IRAK1BP1: variants seen among roughly 807,000 people sequenced by gnomAD.
IRAK1BP1 encodes interleukin 1 receptor associated kinase 1 binding protein 1.
Under a neutral mutation model 28.0 loss-of-function variants are expected in IRAK1BP1, and 24 were observed. That is an observed-to-expected ratio of 0.86 (90% CI 0.62 to 1.20). The LOEUF (loss-of-function observed/expected upper bound fraction) is 1.20. Among genes scored for constraint, IRAK1BP1 ranks in the 50% most tolerant of loss-of-function variants. IRAK1BP1 has a pLI of 0.00. For synonymous variants in IRAK1BP1, 131 were observed against 116.3 expected, an observed-to-expected ratio of 1.13 and a Z score of -0.81; for missense variants, 336 against 316.7, an observed-to-expected ratio of 1.06 and a Z score of -0.46.
the IRAK1BP1 span, chr6:78,970,158 T>G: frequency 1.9e-6 from 3 of 1,611,850 alleles, no homozygotes; most frequent in Non-Finnish European, 2.5e-6. Context: ...CCAACTATTT[T>G]CATAAGTTCT....
chr6:78,969,102 G>A, the IRAK1BP1 span, among the ~76,000 whole-genome samples: 7 of 152,188 alleles, frequency 4.6e-5, no homozygotes, highest in African/African-American at 1.7e-4. Context: ...AACATGAGAT[G>A]TAAATTTTCT....
rs1055546477 is a variant in IRAK1BP1 at position 78,878,294 on chromosome 6, G to A, written c.316-7084G>A. Among the ~76,000 whole-genome samples the A allele has an allele frequency of 7.2e-5, 11 of 152,136 alleles. No individual in the cohort carries two copies. The East Asian group carries it at 7.7e-4, about 11-fold the overall frequency. On this transcript the variant is annotated intron_variant, in intron 1 of 3. Coordinates refer to ENST00000369940, the MANE Select transcript of IRAK1BP1 (RefSeq NM_001010844.4). Reference sequence around the variant, plus strand: ...GTCTCAGAGGGTGTCCATCTGAGACGAAGCTTCCAGAGGAAAGATCAGGCA... The same window carrying A: ...GTCTCAGAGGGTGTCCATCTGAGACAAAGCTTCCAGAGGAAAGATCAGGCA...
intron 4 of IRAK1BP1, among the ~76,000 whole-genome samples, chr6:78,917,875 G>C (rs970671556): frequency 6.6e-6 from 1 of 152,164 alleles, no homozygotes; most frequent in African/African-American, 2.4e-5. Flanking sequence ...GCAAGTGCTA[G>C]GGGAATTTGT....
chr6:78,947,152 C>T (rs1478381404), downstream of IRAK1BP1, among the ~76,000 whole-genome samples: 2 of 152,134 alleles, frequency 1.3e-5, no homozygotes, highest in Non-Finnish European at 2.9e-5. Flanking sequence ...AACTTATTGT[C>T]AACTTTATTA....
chr6:78,969,858 G>A, the IRAK1BP1 span: 1 of 1,579,542 alleles, frequency 6.3e-7, no homozygotes, highest in African/African-American at 1.3e-5. Context: ...CCTGTATTTT[G>A]CATCATCAAA....
chr6:78,932,382 G>C (rs895811361), intron 4 of IRAK1BP1, among the ~76,000 whole-genome samples: 1 of 151,180 alleles, frequency 6.6e-6, no homozygotes, highest in African/African-American at 2.4e-5. Flanking sequence ...ATCTCTGAAA[G>C]CTATAGCCTT....
At chr6:78,968,667 A>C in the IRAK1BP1 span, among the ~76,000 whole-genome samples, 14 of 152,316 alleles carry the variant, frequency 9.2e-5, no homozygotes, top group East Asian at 2.7e-3. Flanking sequence ...TGACTGTGTA[A>C]ATACTGCTTG....
Position 78,899,260 on chromosome 6 carries a change from C to T in IRAK1BP1, c.*926C>T, listed in dbSNP as rs1278195363. 1 of 152,148 alleles carries T rather than the reference C, an allele frequency of 6.6e-6. No individual in the cohort carries two copies. The allele number at this position is 152,148 out of a possible 1,614,324, so 9.4% of individuals were successfully genotyped here. A position where few individuals can be genotyped will look rare whatever the true frequency, so the allele number is the denominator to read the frequency against. ...AACAGCCAAGGTCTTTCATGCTTGC[C>T]ACACCCAGCAATATGTTTAGGAAGG... On this transcript the variant is annotated 3_prime_UTR_variant, in exon 4 of 4. Coordinates refer to ENST00000369940, the MANE Select transcript of IRAK1BP1 (RefSeq NM_001010844.4).
intron 4 of IRAK1BP1, among the ~76,000 whole-genome samples, chr6:78,909,705 A>G (rs1204427492): frequency 6.6e-6 from 1 of 152,228 alleles, no homozygotes; most frequent in East Asian, 1.9e-4. Context: ...GAACCTATGA[A>G]TTACTTTAAG....
chr6:78,885,540 A>T (rs1771396463), intron 2 of IRAK1BP1, 97 bp downstream of exon 2: 1 of 557,092 alleles, frequency 1.8e-6, no homozygotes, highest in Non-Finnish European at 3.2e-6. Flanking sequence ...GCTTCTCATG[A>T]TATTAATAGA....
chr6:78,958,603 T>G, the IRAK1BP1 span: 1 of 1,539,534 alleles, frequency 6.5e-7, no homozygotes, highest in Admixed American at 1.8e-5. Context: ...AAACCCGCCT[T>G]AAAAAAACAA....
At chr6:78,936,710 C>T (rs1238277106) in intron 4 of IRAK1BP1, 1 of 151,808 alleles carries the variant, frequency 6.6e-6, no homozygotes, top group Non-Finnish European at 1.5e-5. Context: ...GCAGTGTGTA[C>T]AAGGTTTATC....
chr6:78,907,330 TTAAAA>T (rs1227627906), downstream of IRAK1BP1, among the ~76,000 whole-genome samples: 5 of 152,228 alleles, frequency 3.3e-5, no homozygotes, highest in African/African-American at 9.6e-5. Context: ...CCTATTTTTA[TTAAAA>T]TAAATGATAA....
At chr6:78,969,296 A>G in the IRAK1BP1 span, among the ~76,000 whole-genome samples, 1 of 152,324 alleles carries the variant, frequency 6.6e-6, no homozygotes, top group African/African-American at 2.4e-5. Context: ...TACACATCAT[A>G]CCATGACACA....
rs140201337 is a variant in IRAK1BP1 at position 78,878,810 on chromosome 6, C to G, written c.316-6568C>G. On this transcript the variant is annotated intron_variant, in intron 1 of 3. Coordinates refer to ENST00000369940, the MANE Select transcript of IRAK1BP1 (RefSeq NM_001010844.4). ...ACGGCGTAGAGAAGACCTTAAATGA[C>G]CTGATGGAGCTGAAAACCATGGCAC... is the stretch of plus-strand genomic sequence containing the variant. 2.4e-3 allele frequency among the ~76,000 whole-genome samples: 363 copies of G among 152,166 alleles called. 1 individual carries two copies. The highest frequency in any genetic ancestry group is 8.4e-3 in the African/African-American group (348 of 41,516).
chr6:78,965,848 T>A, the IRAK1BP1 span: 1 of 1,183,480 alleles, frequency 8.4e-7, no homozygotes, highest in East Asian at 2.3e-5. Flanking sequence ...AAATAATTGC[T>A]TCTGTGTTTA....
At position 78,902,956 on chromosome 6, in the gene IRAK1BP1, A is replaced by G; in HGVS notation, c.*4622A>G. 1 of 1,090,470 alleles carries G rather than the reference A, an allele frequency of 9.2e-7. No individual in the cohort carries two copies. The highest frequency in any genetic ancestry group is 1.6e-5 in the African/African-American group (1 of 64,190). 67.5% of individuals were successfully genotyped at this position (1,090,470 alleles called of 1,614,324 possible). ...CTACTATTAAAACAATAAAACTCTT[A>G]TAAACCTGTTTATCAGAAGGATATT... On this transcript the variant is annotated 3_prime_UTR_variant, in exon 4 of 4. Coordinates refer to ENST00000369940, the MANE Select transcript of IRAK1BP1 (RefSeq NM_001010844.4).
At chr6:78,893,310 GTGTGTATATA>G (rs1320961433) in intron 2 of IRAK1BP1, among the ~76,000 whole-genome samples, 15 of 71,124 alleles carry the variant, frequency 2.1e-4, no homozygotes, top group African/African-American at 5.3e-4. Flanking sequence ...GTGTGTGTGT[GTGTGTATATA>G]TATATATATA....
intron 1 of IRAK1BP1, among the ~76,000 whole-genome samples, chr6:78,879,399 T>C (rs1297524108): frequency 6.6e-6 from 1 of 152,114 alleles, no homozygotes; most frequent in Non-Finnish European, 1.5e-5. Flanking sequence ...AGTAAATAAG[T>C]ATTTTACTGG....
Sources: allele counts gnomAD v4.1 joint callset (sites outside exome capture counted in the v4.1 genomes callset), GRCh38; gene constraint gnomAD v4.1.1; transcripts MANE v1.5; gene names NCBI Gene and HGNC (gene_info 2026-07-23, HGNC 2026-07-21).